Variants in OCA2 observed in about 807,000 individuals in gnomAD.
The protein encoded by OCA2 is OCA2 melanosomal transmembrane protein.
OCA2 carries 77 observed loss-of-function variants against 100.2 expected under a neutral mutation model. The ratio of observed to expected loss-of-function variants is 0.77; its 90% CI spans 0.64 to 0.93. OCA2 has a LOEUF of 0.93. Among genes scored for constraint, OCA2 ranks in the 40% least tolerant of loss-of-function variants. The pLI, the probability that OCA2 is intolerant of heterozygous loss-of-function variation, is 0.00. For missense variants in OCA2, 1,062 were observed against 1,089.1 expected (o/e 0.98, Z 0.35); for synonymous variants, 432 against 439.2 (o/e 0.98, Z 0.21).
At chr15:28,082,327 A>G (rs984987407) in intron 1 of OCA2, among the ~76,000 whole-genome samples, 3 of 152,172 alleles carry the variant, frequency 2.0e-5, no homozygotes, top group African/African-American at 2.4e-5. Context: ...ATCTGTGGAT[A>G]CTTTCGATGT....
In OCA2 at chr15:27,910,882, G is replaced by C. The variant is rs542393249; in HGVS notation, c.2079+15245C>G. Among the ~76,000 whole-genome samples, 15 of 152,130 alleles carry C rather than the reference G, an allele frequency of 9.9e-5. No homozygotes were observed. In the South Asian group the frequency reaches 2.9e-3, roughly 30 times the overall value. ...GAGGCAGGAGAATCGCTTGAACCCA[G>C]GAGGCAGAGGTTGCAGTGAGCCGAG... On this transcript the variant is annotated intron_variant, in intron 19 of 23. Transcript: ENST00000354638.
At chr15:27,918,169 C>A (rs530931156) in intron 19 of OCA2, among the ~76,000 whole-genome samples, 1 of 145,694 alleles carries the variant, frequency 6.9e-6, no homozygotes, top group East Asian at 2.1e-4. Context: ...TCTCGACTCA[C>A]TGAAACCTCC....
chr15:27,771,285 T>A (rs2031829108), intron 23 of OCA2, among the ~76,000 whole-genome samples: 2 of 150,238 alleles, frequency 1.3e-5, no homozygotes, highest in African/African-American at 4.9e-5. Context: ...CCCGCCAAGG[T>A]CACAGCGCTA....
In OCA2 at chr15:28,027,901, G is replaced by A. The variant is rs779005824; in HGVS notation, c.485C>T (p.Pro162Leu). 9 of 1,613,594 alleles carry A rather than the reference G, an allele frequency of 5.6e-6. No individual in the cohort carries two copies. The highest frequency in any genetic ancestry group is 8.5e-7 in the Non-Finnish European group (1 of 1,180,014). Residue 162 changes from proline to leucine, a missense_variant, in exon 4 of 24, where the codon CCG becomes CTG. Physicochemically the swap from Pro to Leu is moderately conservative, Grantham distance 98. Transcript: ENST00000354638. ...SSEKGDLLDS[P>L]HIRLRLSKLR... ...CTTGGAAAGACGGAGTCGGATGTGCGGGCTGTCCAGAAGGTCTCCCTTCTC... is the reference window on the plus strand; with the variant it reads ...CTTGGAAAGACGGAGTCGGATGTGCAGGCTGTCCAGAAGGTCTCCCTTCTC...
intron 19 of OCA2, chr15:27,895,685 G>T: frequency 5.0e-6 from 1 of 199,042 alleles, no homozygotes; most frequent in East Asian, 1.4e-4. Flanking sequence ...TCCATGGATG[G>T]GGATCTCTGT....
At chr15:27,836,155 A>G (rs553283173) in intron 23 of OCA2, among the ~76,000 whole-genome samples, 1 of 152,306 alleles carries the variant, frequency 6.6e-6, no homozygotes, top group South Asian at 2.1e-4. Flanking sequence ...GAAGGGTTCA[A>G]TATACAAATC....
At chr15:27,736,544 TA>T in the OCA2 span, among the ~76,000 whole-genome samples, 1 of 152,354 alleles carries the variant, frequency 6.6e-6, no homozygotes, top group East Asian at 1.9e-4. Flanking sequence ...TCTATCCTGC[TA>T]AAAGCATTCT....
At chr15:27,838,959 C>CACGG (rs2035249865) in intron 23 of OCA2, among the ~76,000 whole-genome samples, 1 of 152,078 alleles carries the variant, frequency 6.6e-6, no homozygotes, top group African/African-American at 2.4e-5. Context: ...TAAACTTAAT[C>CACGG]ACGGATCTAA....
At chr15:27,923,212 G>A (rs904582621) in intron 19 of OCA2, among the ~76,000 whole-genome samples, 2 of 152,088 alleles carry the variant, frequency 1.3e-5, no homozygotes, top group African/African-American at 4.8e-5. Flanking sequence ...ACTTTATCCA[G>A]TCTACCACTT....
intron 23 of OCA2, among the ~76,000 whole-genome samples, chr15:27,761,968 G>A (rs1476366516): frequency 6.6e-6 from 1 of 152,182 alleles, no homozygotes; most frequent in South Asian, 2.1e-4. Context: ...GGAACTACAG[G>A]TGCCACCATG....
At chr15:28,035,366 A>G (rs1011210841) in intron 2 of OCA2, among the ~76,000 whole-genome samples, 3 of 152,194 alleles carry the variant, frequency 2.0e-5, no homozygotes, top group African/African-American at 7.2e-5. Flanking sequence ...CCATCCGGAT[A>G]CCATTTTCAA....
intron 14 of OCA2, among the ~76,000 whole-genome samples, chr15:27,973,914 T>C (rs1361767448): frequency 6.6e-6 from 1 of 152,220 alleles, no homozygotes; most frequent in Non-Finnish European, 1.5e-5. Context: ...TGGTTAAGTA[T>C]ATCCCTAGGT....
chr15:27,813,135 C>T (rs1420396002), intron 23 of OCA2, among the ~76,000 whole-genome samples: 1 of 152,176 alleles, frequency 6.6e-6, no homozygotes, highest in Non-Finnish European at 1.5e-5. Flanking sequence ...GGGGCAGGTG[C>T]TGCAGGTCTC....
intron 23 of OCA2, among the ~76,000 whole-genome samples, chr15:27,781,980 G>A (rs1029382566): frequency 5.3e-5 from 8 of 152,200 alleles, no homozygotes; most frequent in African/African-American, 1.7e-4. Flanking sequence ...TCCTGTGCTA[G>A]AGACACACTG....
intron 23 of OCA2, among the ~76,000 whole-genome samples, chr15:27,794,862 C>A (rs1422892804): frequency 1.3e-5 from 2 of 152,048 alleles, no homozygotes; most frequent in African/African-American, 4.8e-5. Flanking sequence ...TTCCTCAGCA[C>A]AAAGGCAAAG....
chr15:27,897,564 C>T (rs2037758135), intron 19 of OCA2, among the ~76,000 whole-genome samples: 1 of 152,190 alleles, frequency 6.6e-6, no homozygotes, highest in South Asian at 2.1e-4. Flanking sequence ...AACCCTCCAC[C>T]TAGATTTCAA....
chr15:27,792,775 T>A (rs1017403844), intron 23 of OCA2, among the ~76,000 whole-genome samples: 10 of 152,188 alleles, frequency 6.6e-5, no homozygotes, highest in Admixed American at 6.5e-4. Context: ...GCCTAATTCG[T>A]CTCTGAGTCC....
intron 19 of OCA2, among the ~76,000 whole-genome samples, chr15:27,904,286 G>A (rs531156617): frequency 1.7e-4 from 26 of 152,330 alleles, no homozygotes; most frequent in Middle Eastern, 3.4e-3. Flanking sequence ...GGTGGACGGG[G>A]CAGAAGTGAG....
chr15:27,870,667 G>GGAAGGAAGGAAGGAAA (rs11267718), intron 21 of OCA2, among the ~76,000 whole-genome samples: 7 of 132,508 alleles, frequency 5.3e-5, no homozygotes, highest in Admixed American at 3.9e-4. Context: ...ATTTTCGAAA[G>GGAAGGAAGGAAGGAAA]GAAGGAAGGA....
Sources: allele counts gnomAD v4.1 joint callset (sites outside exome capture counted in the v4.1 genomes callset), GRCh38; gene constraint gnomAD v4.1.1; transcripts MANE v1.5; gene names NCBI Gene and HGNC (gene_info 2026-07-23, HGNC 2026-07-21).